The following AGO2 variants were observed in gnomAD, a reference collection of about 807,000 sequenced individuals.
The protein encoded by AGO2 is argonaute RISC catalytic component 2, also known as protein argonaute-2.
In AGO2, 5 loss-of-function variants were observed where a neutral mutation model predicts 102.3. The ratio of observed to expected loss-of-function variants is 0.05; its 90% CI spans 0.03 to 0.10. AGO2 has a LOEUF of 0.10. Ranked by LOEUF, AGO2 falls within the 10% of genes least tolerant of loss-of-function variation. The probability of loss-of-function intolerance (pLI) is 1.00; values close to 1 mark genes in which losing one functional copy is unlikely to be tolerated. For missense variants in AGO2, 541 were observed against 1,183.7 expected (o/e 0.46, Z 7.97); for synonymous variants, 449 against 473.1 (o/e 0.95, Z 0.66).
In AGO2 at chr8:140,523,719, A is replaced by G. The variant is rs11595; in HGVS notation, c.*8325T>C. 0.54 allele frequency: 81,763 copies of G among 152,094 alleles called. 22,403 individuals carry two copies. The highest frequency in any genetic ancestry group is 0.61 in the East Asian group (3,148 of 5,174). The allele number at this position is 152,094 out of a possible 1,614,324, so 9.4% of individuals were successfully genotyped here. On this transcript the variant is annotated 3_prime_UTR_variant, in exon 19 of 19. Transcript: ENST00000220592. ...GCAACGCCACCCTCCATACTGTAGGATTTGAGTCACGCGTGTCTGTTTGGC... is the reference window on the plus strand; with the variant it reads ...GCAACGCCACCCTCCATACTGTAGGGTTTGAGTCACGCGTGTCTGTTTGGC...
At chr8:140,613,240 T>G (rs1305690872) in intron 1 of AGO2, among the ~76,000 whole-genome samples, 2 of 151,898 alleles carry the variant, frequency 1.3e-5, no homozygotes, top group Non-Finnish European at 2.9e-5. Context: ...CCCCAACATA[T>G]CCCTGTCGAC....
At position 140,571,288 on chromosome 8, in the gene AGO2, G is replaced by A. The variant is rs148810306; in HGVS notation, c.336+1524C>T. Reference sequence around the variant, plus strand: ...TGTCAGAGCGTGATAAGGTGAAGGAGCATCACTGGGCACTGAGATTGCTGG... The same window carrying A: ...TGTCAGAGCGTGATAAGGTGAAGGAACATCACTGGGCACTGAGATTGCTGG... On this transcript the variant is annotated intron_variant, in intron 3 of 18. Coordinates refer to ENST00000220592, the MANE Select transcript of AGO2 (RefSeq NM_012154.5). Among the ~76,000 whole-genome samples the A allele has an allele frequency of 1.6e-4, 24 of 152,366 alleles. No individual in the cohort carries two copies. In the East Asian group the frequency reaches 3.9e-3, roughly 24 times the overall value.
At chr8:140,580,369 T>A (rs1176189482) in intron 2 of AGO2, among the ~76,000 whole-genome samples, 1 of 152,246 alleles carries the variant, frequency 6.6e-6, no homozygotes, top group African/African-American at 2.4e-5. Context: ...TTGGACTCAT[T>A]AAACATCTAC....
chr8:140,602,979 T>C (rs893660897), intron 1 of AGO2, among the ~76,000 whole-genome samples: 16 of 152,360 alleles, frequency 1.1e-4, no homozygotes, highest in Middle Eastern at 3.4e-3. Flanking sequence ...TGCACGCATT[T>C]TGGATCACAG....
chr8:140,564,109 G>A (rs908070288), intron 3 of AGO2, among the ~76,000 whole-genome samples: 3 of 152,218 alleles, frequency 2.0e-5, no homozygotes, highest in South Asian at 2.1e-4. Context: ...AAAAAGGATC[G>A]AATCCTTCCA....
intron 13 of AGO2, among the ~76,000 whole-genome samples, chr8:140,547,073 G>A (rs997554475): frequency 4.6e-5 from 7 of 152,210 alleles, no homozygotes; most frequent in Admixed American, 1.3e-4. Flanking sequence ...GTCCCAGCAC[G>A]ACGCAGCATC....
chr8:140,614,647 C>T (rs987504207), intron 1 of AGO2, among the ~76,000 whole-genome samples: 20 of 152,204 alleles, frequency 1.3e-4, no homozygotes, highest in African/African-American at 4.3e-4. Context: ...ACAACCAGAC[C>T]AGGAGCCACA....
intron 10 of AGO2, among the ~76,000 whole-genome samples, chr8:140,554,042 A>T (rs191584665): frequency 2.6e-5 from 4 of 152,212 alleles, no homozygotes; most frequent in Non-Finnish European, 5.9e-5. Context: ...GATTTTTGCA[A>T]CGTTGGCTTA....
chr8:140,577,943 G>A (rs527599456), intron 2 of AGO2, among the ~76,000 whole-genome samples: 1 of 152,352 alleles, frequency 6.6e-6, no homozygotes, highest in Non-Finnish European at 1.5e-5. Flanking sequence ...GGCTTGGGCT[G>A]GGCGGATCTC....
At chr8:140,558,969 G>T (rs779952546) in intron 6 of AGO2, among the ~76,000 whole-genome samples, 1 of 152,178 alleles carries the variant, frequency 6.6e-6, no homozygotes, top group Non-Finnish European at 1.5e-5. Context: ...GAAGGACCCC[G>T]GGTAAGTCCT....
At chr8:140,555,073 A>G (rs916482079) in intron 10 of AGO2, among the ~76,000 whole-genome samples, 31 of 152,336 alleles carry the variant, frequency 2.0e-4, no homozygotes, top group African/African-American at 7.5e-4. Flanking sequence ...TGAGAATAAA[A>G]TTCCATTAGG....
rs575474306 is a variant in AGO2, at chr8:140,613,414, G to GT, written c.22+22070dup. On this transcript the variant is annotated intron_variant, in intron 1 of 18. Transcript: ENST00000220592. ...ATATTTAATATAATGACATGTTGTTGTATCAAATGTTTTTTAAACTCCTGT... is the reference window on the plus strand; with the variant it reads ...ATATTTAATATAATGACATGTTGTTGTTATCAAATGTTTTTTAAACTCCTGT... Among the ~76,000 whole-genome samples the GT allele has an allele frequency of 1.1e-4, 16 of 152,276 alleles. No individual in the cohort carries two copies. In the South Asian group the frequency reaches 2.9e-3, roughly 28 times the overall value.
chr8:140,588,662 G>GGGAA lies in AGO2; in HGVS notation c.23-3355_23-3352dup, dbSNP rs555848455. Among the ~76,000 whole-genome samples the GGGAA allele has an allele frequency of 1.2e-4, 18 of 151,316 alleles. No homozygotes were observed. The East Asian group carries it at 2.9e-3, about 25-fold the overall frequency. ...AAGGAAGGAGGAAAGGAGGGAGGGA[G>GGGAA]GGAAGGAAGGAAGGAAAAAAGCATA... On this transcript the variant is annotated intron_variant, in intron 1 of 18. Coordinates refer to ENST00000220592, the MANE Select transcript of AGO2 (RefSeq NM_012154.5).
chr8:140,540,168 C>A lies in AGO2; in HGVS notation c.2035-714G>T, dbSNP rs1271681689. ...GCAGGCTCCAGCCAGAAGTGCTGGC[C>A]GGTCAAGGTGTATCCATTCTGTCCT... On this transcript the variant is annotated intron_variant, in intron 15 of 18. Transcript: ENST00000220592. The surrounding 1 kb of genome is among the most constrained non-coding windows in gnomAD (Gnocchi z 5.0). Among the ~76,000 whole-genome samples, 3 of 152,146 alleles carry A rather than the reference C, an allele frequency of 2.0e-5. No individual in the cohort carries two copies. Among genetic ancestry groups the A allele is most frequent in the African/African-American group, 7.2e-5 (3 of 41,428 alleles).
At chr8:140,541,859 C>T (rs957257595) in intron 14 of AGO2, among the ~76,000 whole-genome samples, 2 of 152,150 alleles carry the variant, frequency 1.3e-5, no homozygotes, top group Non-Finnish European at 2.9e-5. Flanking sequence ...GCCGAGATCA[C>T]ACCACGCACT....
At chr8:140,546,894 C>T (rs2072910521) in intron 13 of AGO2, among the ~76,000 whole-genome samples, 1 of 152,184 alleles carries the variant, frequency 6.6e-6, no homozygotes, top group South Asian at 2.1e-4. Context: ...GATGCTCAGC[C>T]AGTCAGGAGG....
rs1031505362 is a variant in AGO2 at position 140,524,301 on chromosome 8, C to G, written c.*7743G>C. 3.9e-5 allele frequency: 6 copies of G among 152,184 alleles called. No homozygotes were observed. Among genetic ancestry groups the G allele is most frequent in the African/African-American group, 1.4e-4 (6 of 41,430 alleles). The allele number at this position is 152,184 out of a possible 1,614,324, so 9.4% of individuals were successfully genotyped here. A position where few individuals can be genotyped will look rare whatever the true frequency, so the allele number is the denominator to read the frequency against. The stretch of plus-strand genomic sequence containing the variant: ...CGAGTGACTATGAGAACAAGACCAC[C>G]AGGCTTTGCTGATGGTCATGGTCAA... On this transcript the variant is annotated 3_prime_UTR_variant, in exon 19 of 19. Coordinates refer to ENST00000220592, the MANE Select transcript of AGO2 (RefSeq NM_012154.5).
rs375456667 is a variant in AGO2 at position 140,559,582 on chromosome 8, C to G, written c.656-53G>C. The G allele has an allele frequency of 3.1e-6, 5 of 1,607,138 alleles. No homozygotes were observed. The Admixed American group carries it at 8.4e-5, about 27-fold the overall frequency. On this transcript the variant is annotated intron_variant, in intron 5 of 18. Coordinates refer to ENST00000220592, the MANE Select transcript of AGO2 (RefSeq NM_012154.5). Reference sequence around the variant, plus strand: ...TAAGCATGACTGTGGGGCTGCTGGACGGGCCCATAGTCCTGGAGGGGCCTC... The same window carrying G: ...TAAGCATGACTGTGGGGCTGCTGGAGGGGCCCATAGTCCTGGAGGGGCCTC...
intron 1 of AGO2, among the ~76,000 whole-genome samples, chr8:140,601,373 G>A (rs1023396389): frequency 8.5e-5 from 13 of 152,078 alleles, no homozygotes; most frequent in Non-Finnish European, 1.8e-4. Flanking sequence ...CCCCCCCGCC[G>A]CTGTGCTCGC....
Sources: gnomAD v4.1 joint callset for allele counts (sites outside exome capture counted in the v4.1 genomes callset) on GRCh38, gnomAD v4.1.1 for gene constraint, Gnocchi (gnomAD v3.1) non-coding constraint, MANE v1.5 for transcripts, NCBI Gene and HGNC (gene_info 2026-07-23, HGNC 2026-07-21) for gene names.